GABRA2: variants seen among roughly 807,000 people sequenced by gnomAD.
GABRA2 encodes gamma-aminobutyric acid type A receptor subunit alpha2.
A neutral mutation model predicts 48.7 loss-of-function variants in GABRA2; 16 were observed. The ratio of observed to expected loss-of-function variants is 0.33; its 90% CI spans 0.22 to 0.50. GABRA2 has a LOEUF of 0.50. Ranked by LOEUF, GABRA2 falls within the 20% of genes least tolerant of loss-of-function variation. The pLI is 0.98. For missense variants in GABRA2, 275 were observed against 535.6 expected (o/e 0.51, Z 4.80); for synonymous variants, 185 against 184.5 (o/e 1.00, Z -0.02).
intron 3 of GABRA2, among the ~76,000 whole-genome samples, chr4:46,371,741 T>A (rs1714925270): frequency 6.6e-6 from 1 of 152,154 alleles, no homozygotes; most frequent in South Asian, 2.1e-4. Context: ...AAGAAATAAA[T>A]CTGTTCATGT....
chr4:46,300,294 T>C (rs1197721195), intron 8 of GABRA2, among the ~76,000 whole-genome samples: 1 of 151,846 alleles, frequency 6.6e-6, no homozygotes. Flanking sequence ...ATATTCAGTA[T>C]GGATCTGTGT....
intron 9 of GABRA2, among the ~76,000 whole-genome samples, chr4:46,252,656 TC>T (rs1715022483): frequency 6.6e-6 from 1 of 151,492 alleles, no homozygotes; most frequent in Non-Finnish European, 1.5e-5. Context: ...GTATGCTTTT[TC>T]CTAAAATATT....
intron 4 of GABRA2, among the ~76,000 whole-genome samples, chr4:46,314,607 A>G (rs576519703): frequency 6.6e-6 from 1 of 152,060 alleles, no homozygotes; most frequent in African/African-American, 2.4e-5. Context: ...CATGTTACCC[A>G]ATAGTTAGTT....
chr4:46,244,670 T>C lies in GABRA2; in HGVS notation c.*5638A>G, dbSNP rs1186040460. On this transcript the variant is annotated 3_prime_UTR_variant, in exon 10 of 10. Transcript: ENST00000381620. Reference sequence around the variant, plus strand: ...AATGAAAACACATCTCTCCAACCACTAATAAAACTGGCAAAATTAGAAAAA... The same window carrying C: ...AATGAAAACACATCTCTCCAACCACCAATAAAACTGGCAAAATTAGAAAAA... Among the ~76,000 whole-genome samples, 1 of 151,378 alleles carries C rather than the reference T, an allele frequency of 6.6e-6. No homozygotes were observed. The highest frequency in any genetic ancestry group is 1.5e-5 in the Non-Finnish European group (1 of 67,578).
chr4:46,314,197 A>G (rs1027105075), intron 4 of GABRA2, among the ~76,000 whole-genome samples: 4 of 152,126 alleles, frequency 2.6e-5, no homozygotes, highest in Non-Finnish European at 5.9e-5. Context: ...GTTTCACGTA[A>G]GTATTTCTTT....
At chr4:46,304,031 T>A (rs997661949) in intron 7 of GABRA2, among the ~76,000 whole-genome samples, 1 of 152,180 alleles carries the variant, frequency 6.6e-6, no homozygotes, top group Non-Finnish European at 1.5e-5. Flanking sequence ...TGTTTTTTTT[T>A]AATTTGGAGC....
chr4:46,376,797 C>G (rs1455836080), intron 3 of GABRA2, among the ~76,000 whole-genome samples: 1 of 151,896 alleles, frequency 6.6e-6, no homozygotes, highest in African/African-American at 2.4e-5. Flanking sequence ...CTCCCTCTCT[C>G]CACGGTCTCC....
intron 3 of GABRA2, among the ~76,000 whole-genome samples, chr4:46,334,497 T>C (rs1266927716): frequency 6.6e-6 from 1 of 152,178 alleles, no homozygotes; most frequent in Non-Finnish European, 1.5e-5. Flanking sequence ...AAGGTAGCTT[T>C]TACCCTAAGA....
In GABRA2 at chr4:46,246,792, C is replaced by G. The variant is rs1478642548; in HGVS notation, c.*3516G>C. Among the ~76,000 whole-genome samples the G allele has an allele frequency of 6.6e-6, 1 of 151,164 alleles. No individual in the cohort carries two copies. The highest frequency in any genetic ancestry group is 2.4e-5 in the African/African-American group (1 of 41,316). On this transcript the variant is annotated 3_prime_UTR_variant, in exon 10 of 10. Coordinates refer to ENST00000381620, the MANE Select transcript of GABRA2 (RefSeq NM_000807.4). ...TTCACAGACATGTGTCTGAGGGCAT[C>G]AGGCATAGAATACATTAAACAAATT...
chr4:46,368,466 A>C (rs990117595), intron 3 of GABRA2: 3 of 152,662 alleles, frequency 2.0e-5, no homozygotes, highest in Non-Finnish European at 4.4e-5. Flanking sequence ...CCTTGAAAAC[A>C]GATGACTCAG....
intron 8 of GABRA2, among the ~76,000 whole-genome samples, chr4:46,277,896 T>C (rs1720803679): frequency 6.6e-6 from 1 of 152,204 alleles, no homozygotes; most frequent in Non-Finnish European, 1.5e-5. Context: ...TGCCTATTTT[T>C]AATCAATGAA....
At chr4:46,331,467 T>A (rs1731349061) in intron 4 of GABRA2, among the ~76,000 whole-genome samples, 1 of 152,158 alleles carries the variant, frequency 6.6e-6, no homozygotes, top group Admixed American at 6.6e-5. Flanking sequence ...TATGAAAGCC[T>A]ATAAAAATGG....
At chr4:46,328,630 C>A (rs192583688) in intron 4 of GABRA2, among the ~76,000 whole-genome samples, 1 of 150,868 alleles carries the variant, frequency 6.6e-6, no homozygotes, top group East Asian at 1.9e-4. Flanking sequence ...TGATAACATT[C>A]TTTTTTTTAT....
chr4:46,259,673 C>T (rs1039423491), intron 9 of GABRA2, among the ~76,000 whole-genome samples: 3 of 151,726 alleles, frequency 2.0e-5, no homozygotes, highest in Non-Finnish European at 4.4e-5. Context: ...TTTTCATTTG[C>T]TCGTTGGATT....
chr4:46,266,100 A>G (rs987753938), intron 8 of GABRA2, among the ~76,000 whole-genome samples: 16 of 151,958 alleles, frequency 1.1e-4, no homozygotes, highest in Admixed American at 4.6e-4. Context: ...TTCCTAGAGA[A>G]TGCTCCATGC....
chr4:46,292,631 T>A (rs1445133803), intron 8 of GABRA2, among the ~76,000 whole-genome samples: 1 of 151,998 alleles, frequency 6.6e-6, no homozygotes, highest in East Asian at 1.9e-4. Context: ...GTTCTAAGAG[T>A]TTATTTGATT....
At chr4:46,340,394 A>G (rs1358731852) in intron 3 of GABRA2, among the ~76,000 whole-genome samples, 1 of 151,890 alleles carries the variant, frequency 6.6e-6, no homozygotes, top group Non-Finnish European at 1.5e-5. Context: ...CCTTCTCACA[A>G]GCTCTGGCAA....
At chr4:46,267,334 TAA>T (rs1718454492) in intron 8 of GABRA2, among the ~76,000 whole-genome samples, 1 of 152,092 alleles carries the variant, frequency 6.6e-6, no homozygotes, top group African/African-American at 2.4e-5. Flanking sequence ...ATTTTATTGG[TAA>T]AGTGTTTGAA....
At chr4:46,300,048 G>T (rs1199326815) in intron 8 of GABRA2, among the ~76,000 whole-genome samples, 2 of 151,910 alleles carry the variant, frequency 1.3e-5, no homozygotes, top group African/African-American at 4.8e-5. Flanking sequence ...TAATAATTAT[G>T]TATTAATAAT....
Sources: gnomAD v4.1 joint callset for allele counts (sites outside exome capture counted in the v4.1 genomes callset) on GRCh38, gnomAD v4.1.1 for gene constraint, MANE v1.5 for transcripts, NCBI Gene and HGNC (gene_info 2026-07-23, HGNC 2026-07-21) for gene names.